SREK1: variants seen among roughly 807,000 people sequenced by gnomAD.
The protein encoded by SREK1 is splicing regulatory glutamine/lysine-rich protein 1.
A neutral mutation model predicts 66.5 loss-of-function variants in SREK1; 13 were observed. The observed-to-expected ratio is 0.20, with a 90% CI of 0.13 to 0.31. The LOEUF is 0.31. Ranked by LOEUF, SREK1 falls within the 10% of genes least tolerant of loss-of-function variation. SREK1 has a pLI of 1.00. For missense variants in SREK1, 607 were observed against 769.6 expected (o/e 0.79, Z 2.50); for synonymous variants, 265 against 263.5 (o/e 1.01, Z -0.05).
rs933922631 is a variant in SREK1 at position 66,181,039 on chromosome 5, T to C, written c.*2171T>C. ...TGAGTGTTTTCTTGTACTCTGGACC[T>C]ATTACATGTTTCTTTATGTTGGTAA... is the stretch of plus-strand genomic sequence containing the variant. On this transcript the variant is annotated 3_prime_UTR_variant, in exon 12 of 12. Transcript: ENST00000334121. 1.3e-5 allele frequency: 2 copies of C among 152,236 alleles called. No individual in the cohort carries two copies. The highest frequency in any genetic ancestry group is 2.4e-5 in the African/African-American group (1 of 41,462). 9.4% of individuals were successfully genotyped at this position (152,236 alleles called of 1,614,324 possible).
At chr5:66,168,707 T>C (rs1745375080) in intron 7 of SREK1, 1 of 152,178 alleles carries the variant, frequency 6.6e-6, no homozygotes, top group African/African-American at 2.4e-5. Flanking sequence ...ATAATTGTTC[T>C]AAATTTATTA....
At chr5:66,144,785 C>A in intron 1 of SREK1, 1 of 1,213,700 alleles carries the variant, frequency 8.2e-7, no homozygotes, top group Non-Finnish European at 1.0e-6. Context: ...TTCTGTGCCT[C>A]CGGGACTTGT....
rs747790694 is a variant in SREK1 at position 66,170,695 on chromosome 5, G to A, written c.1232G>A (p.Arg411Gln). 1.9e-5 allele frequency: 30 copies of A among 1,609,528 alleles called. No homozygotes were observed. Among genetic ancestry groups the A allele is most frequent in the African/African-American group, 2.7e-5 (2 of 74,708 alleles). Residue 411 changes from arginine (R) to glutamine (Q), a missense_variant, in exon 9 of 12, where the codon CGG (arginine) becomes CAG (glutamine). Arg to Gln is a conservative substitution (Grantham distance 43). Coordinates refer to ENST00000334121, the MANE Select transcript of SREK1 (RefSeq NM_001077199.3). ...AAGGAACGTGAAAAAGAAAAGGAAC[G>A]GGGTAAAAACAAAGACCGGGACAAG... ...REKEREKEKE[R>Q]GKNKDRDKER...
In SREK1 at chr5:66,182,237, C is replaced by G. The variant is rs932913310; in HGVS notation, c.*3369C>G. On this transcript the variant is annotated 3_prime_UTR_variant, in exon 12 of 12. Transcript: ENST00000334121. ...AGACAGTATCTGATTTCAACTGGTGCGTTACGAAGTAGAGCCATTCCCACA... is the reference window on the plus strand; with the variant it reads ...AGACAGTATCTGATTTCAACTGGTGGGTTACGAAGTAGAGCCATTCCCACA... 1 of 152,054 alleles carries G rather than the reference C, an allele frequency of 6.6e-6. No homozygotes were observed. Among genetic ancestry groups the G allele is most frequent in the Non-Finnish European group, 1.5e-5 (1 of 68,002 alleles). The allele number at this position is 152,054 out of a possible 1,614,324, so 9.4% of individuals were successfully genotyped here. A position where few individuals can be genotyped will look rare whatever the true frequency, so the allele number is the denominator to read the frequency against.
At position 66,170,624 on chromosome 5, in the gene SREK1, G is replaced by A. The variant is rs1478470809; in HGVS notation, c.1161G>A (p.Lys387=). ...RKDTREKIKE[K]ERVKEKDREK... ...ACACTCGAGAAAAGATCAAGGAAAA[G>A]GAAAGAGTGAAAGAGAAAGACAGGG... The change falls in exon 9 of 12, where the codon AAG becomes AAA. Residue 387 remains lysine, a synonymous_variant. Transcript: ENST00000334121. 1 of 1,610,996 alleles carries A rather than the reference G, an allele frequency of 6.2e-7. No individual in the cohort carries two copies. Among genetic ancestry groups the A allele is most frequent in the Non-Finnish European group, 8.5e-7 (1 of 1,179,358 alleles).
rs369258239 is a variant in SREK1 at position 66,148,625 on chromosome 5, A to G, written c.161+4088A>G. 1.9e-4 allele frequency among the ~76,000 whole-genome samples: 29 copies of G among 152,206 alleles called. No individual in the cohort carries two copies. In the East Asian group the frequency reaches 5.2e-3, roughly 27 times the overall value. On this transcript the variant is annotated intron_variant, in intron 1 of 11. Transcript: ENST00000334121. ...TCTTAAAATTTATTTCTAAAATTTT[A>G]TTTATTTATTTAGTTAAGTAGAGAC... is the stretch of plus-strand genomic sequence containing the variant.
intron 1 of SREK1, 122 bp downstream of exon 1, chr5:66,144,659 C>T (rs1561488748): frequency 9.2e-6 from 13 of 1,416,334 alleles, no homozygotes; most frequent in South Asian, 1.5e-5. Flanking sequence ...GCCGGCTTAC[C>T]TTGGTGCCCA....
intron 1 of SREK1, among the ~76,000 whole-genome samples, chr5:66,148,545 A>G (rs979504442): frequency 1.3e-5 from 2 of 152,252 alleles, no homozygotes; most frequent in Admixed American, 1.3e-4. Context: ...CAAAACTTTA[A>G]GTCAACGAAT....
At chr5:66,146,547 T>C (rs1374695181) in intron 1 of SREK1, among the ~76,000 whole-genome samples, 1 of 152,056 alleles carries the variant, frequency 6.6e-6, no homozygotes, top group Non-Finnish European at 1.5e-5. Flanking sequence ...GTTGCATACG[T>C]GTAATATATA....
chr5:66,165,496 CTTAT>C (rs941978847), intron 7 of SREK1: 30 of 152,330 alleles, frequency 2.0e-4, no homozygotes, highest in African/African-American at 7.2e-4. Context: ...CTCTGTTTAT[CTTAT>C]TTTTGATCAT....
Position 66,177,597 on chromosome 5 carries a change from GAA to G in SREK1, c.1666_1667del (p.Lys556GlufsTer3). 1 of 1,611,478 alleles carries G rather than the reference GAA, an allele frequency of 6.2e-7. No individual in the cohort carries two copies. The highest frequency in any genetic ancestry group is 8.5e-7 in the Non-Finnish European group (1 of 1,178,548). On this transcript the variant is annotated frameshift_variant, in exon 11 of 12. Transcript: ENST00000334121. LOFTEE classifies it high-confidence loss of function. ...GAGAGAGAACGTTCAACGTCTATGA[GAA>G]AGAGTTCTAATGATAGAGATGGGAA...
At chr5:66,160,434 T>G (rs1744659668) in intron 3 of SREK1, among the ~76,000 whole-genome samples, 1 of 152,192 alleles carries the variant, frequency 6.6e-6, no homozygotes, top group African/African-American at 2.4e-5. Context: ...GCATTCTGAT[T>G]CTTGGGGGGA....
At chr5:66,160,005 C>T (rs1744613528) in intron 3 of SREK1, among the ~76,000 whole-genome samples, 1 of 152,162 alleles carries the variant, frequency 6.6e-6, no homozygotes, top group Admixed American at 6.5e-5. Context: ...TGGCGGGTGC[C>T]CGTAGTCCCA....
chr5:66,162,602 C>A lies in SREK1; in HGVS notation c.755+10C>A. ...GAGACAGGCCACTGAAGTAAGAAAT[C>A]CTAAACAAAGAAATTTTAATGATTT... On this transcript the variant is annotated intron_variant, in intron 5 of 11. Transcript: ENST00000334121. 6.4e-7 allele frequency: 1 copy of A among 1,561,360 alleles called. No homozygotes were observed. Among genetic ancestry groups the A allele is most frequent in the Non-Finnish European group, 8.7e-7 (1 of 1,152,832 alleles).
In SREK1 at chr5:66,163,525, A is replaced by T. The variant is rs114351897; in HGVS notation, c.756-267A>T. ...TTATTTTAATTCTAAGCTATGGAAA[A>T]GCACTTCATCTAGTCTGTTTGAATT... On this transcript the variant is annotated intron_variant, in intron 5 of 11. Coordinates refer to ENST00000334121, the MANE Select transcript of SREK1 (RefSeq NM_001077199.3). The T allele has an allele frequency of 1.8e-3, 492 of 272,668 alleles. 1 individual carries two copies. Among genetic ancestry groups the T allele is most frequent in the African/African-American group, 0.01 (461 of 45,000 alleles). 16.9% of individuals were successfully genotyped at this position (272,668 alleles called of 1,614,324 possible). A position where few individuals can be genotyped will look rare whatever the true frequency, so the allele number is the denominator to read the frequency against.
chr5:66,171,410 G>A lies in SREK1; in HGVS notation c.1484+463G>A, dbSNP rs115114660. Among the ~76,000 whole-genome samples, 648 of 152,090 alleles carry A rather than the reference G, an allele frequency of 4.3e-3. 4 individuals are homozygous for A. The highest frequency in any genetic ancestry group is 0.014 in the African/African-American group (596 of 41,496). On this transcript the variant is annotated intron_variant, in intron 9 of 11. Transcript: ENST00000334121. ...AGTGCATAACATTTAAATTTTGGTCGTGTTTTATTTTGTCAGTTTTAAGGG... is the reference window on the plus strand; with the variant it reads ...AGTGCATAACATTTAAATTTTGGTCATGTTTTATTTTGTCAGTTTTAAGGG...
intron 1 of SREK1, among the ~76,000 whole-genome samples, chr5:66,147,208 G>GT (rs1331396388): frequency 6.6e-6 from 1 of 152,202 alleles, no homozygotes; most frequent in Non-Finnish European, 1.5e-5. Context: ...AACATTCACT[G>GT]TAAGCATTAA....
intron 1 of SREK1, among the ~76,000 whole-genome samples, chr5:66,146,045 C>T (rs1191080971): frequency 6.6e-6 from 1 of 151,712 alleles, no homozygotes; most frequent in East Asian, 1.9e-4. Flanking sequence ...ACATTTTTGA[C>T]GAGAATACTG....
At position 66,144,331 on chromosome 5, in the gene SREK1, C is replaced by G; in HGVS notation, c.-46C>G. On this transcript the variant is annotated 5_prime_UTR_variant, in exon 1 of 12. Transcript: ENST00000334121. The stretch of plus-strand genomic sequence containing the variant: ...CGCTTTCCCGGCTCCGTCGCTGACG[C>G]GTCGTAGACGTTGGGGAGCGGGAAG... 7.1e-7 allele frequency: 1 copy of G among 1,417,488 alleles called. No individual in the cohort carries two copies. The highest frequency in any genetic ancestry group is 9.5e-7 in the Non-Finnish European group (1 of 1,050,642). 87.8% of individuals were successfully genotyped at this position (1,417,488 alleles called of 1,614,324 possible).
Sources: gnomAD v4.1 joint callset for allele counts (sites outside exome capture counted in the v4.1 genomes callset) on GRCh38, gnomAD v4.1.1 for gene constraint, MANE v1.5 for transcripts, NCBI Gene and HGNC (gene_info 2026-07-23, HGNC 2026-07-21) for gene names.